ULK4: variants seen among roughly 807,000 people sequenced by gnomAD.
The protein encoded by ULK4 is unc-51 like kinase 4, also known as inactive serine/threonine-protein kinase ULK4.
A neutral mutation model predicts 160.6 loss-of-function variants in ULK4; 133 were observed. That is an observed-to-expected ratio of 0.83 (90% CI 0.72 to 0.96). The LOEUF is 0.96. Ranked by LOEUF, ULK4 falls within the 40% of genes least tolerant of loss-of-function variation. ULK4 has a pLI of 0.00. For synonymous variants in ULK4, 534 were observed against 539.8 expected, an observed-to-expected ratio of 0.99 and a Z score of 0.15; for missense variants, 1,580 against 1,499.5, an observed-to-expected ratio of 1.05 and a Z score of -0.89.
intron 34 of ULK4, among the ~76,000 whole-genome samples, chr3:41,398,980 ATATTAT>A (rs1343662149): frequency 1.3e-5 from 2 of 152,110 alleles, no homozygotes; most frequent in East Asian, 1.9e-4. Context: ...TTTGAAATAT[ATATTAT>A]TATTAACTAT....
At chr3:41,956,443 A>G (rs184682077) in intron 1 of ULK4, among the ~76,000 whole-genome samples, 15 of 152,212 alleles carry the variant, frequency 9.9e-5, no homozygotes, top group African/African-American at 2.9e-4. Context: ...TTGTTGCTTC[A>G]TTCTTTCCTT....
intron 22 of ULK4, among the ~76,000 whole-genome samples, chr3:41,720,961 G>A (rs1365934846): frequency 1.3e-5 from 2 of 152,110 alleles, no homozygotes; most frequent in Non-Finnish European, 2.9e-5. Flanking sequence ...GGGGTAGGAA[G>A]TATTTAGCAA....
intron 35 of ULK4, among the ~76,000 whole-genome samples, chr3:41,378,345 G>A (rs1171116554): frequency 7.9e-5 from 12 of 151,284 alleles, no homozygotes; most frequent in Non-Finnish European, 1.5e-4. Context: ...TGCACAATGT[G>A]CACATGTACC....
intron 32 of ULK4, among the ~76,000 whole-genome samples, chr3:41,508,037 G>C (rs1331004851): frequency 6.6e-6 from 1 of 152,210 alleles, no homozygotes; most frequent in Non-Finnish European, 1.5e-5. Context: ...GTGGTCCAGG[G>C]CAAGTTCTCA....
intron 31 of ULK4, among the ~76,000 whole-genome samples, chr3:41,593,736 A>G (rs1437985353): frequency 1.3e-5 from 2 of 152,216 alleles, no homozygotes; most frequent in Admixed American, 6.5e-5. Flanking sequence ...TCGTGTAAAA[A>G]GAAAAATAGC....
At chr3:41,883,768 CAGAGAAAAAACA>C in intron 17 of ULK4, 94 bp downstream of exon 17, 1 of 1,101,200 alleles carries the variant, frequency 9.1e-7, no homozygotes, top group Non-Finnish European at 1.4e-6. Context: ...CACAATCCCA[CAGAGAAAAAACA>C]AGTGAAGGTC....
At chr3:41,356,298 G>A (rs1004811909) in intron 35 of ULK4, among the ~76,000 whole-genome samples, 6 of 152,174 alleles carry the variant, frequency 3.9e-5, no homozygotes, top group African/African-American at 9.6e-5. Context: ...ACGCATAGAC[G>A]AGACCTGAAG....
At chr3:41,806,611 T>C (rs1487873503) in intron 19 of ULK4, among the ~76,000 whole-genome samples, 1 of 152,152 alleles carries the variant, frequency 6.6e-6, no homozygotes, top group Non-Finnish European at 1.5e-5. Context: ...TGCTTTCTCT[T>C]GTGGGCATTT....
chr3:41,601,806 C>A (rs1440348868), intron 31 of ULK4, among the ~76,000 whole-genome samples: 1 of 152,146 alleles, frequency 6.6e-6, no homozygotes. Flanking sequence ...GAGGAACTAC[C>A]ACATATCAGA....
intron 31 of ULK4, among the ~76,000 whole-genome samples, chr3:41,613,055 G>A (rs904995143): frequency 2.6e-5 from 4 of 152,156 alleles, no homozygotes; most frequent in Admixed American, 2.0e-4. Context: ...GGCATAAGTA[G>A]CAGCCGAGCA....
At chr3:41,418,920 T>A (rs949955203) in intron 34 of ULK4, among the ~76,000 whole-genome samples, 4 of 152,202 alleles carry the variant, frequency 2.6e-5, no homozygotes, top group African/African-American at 9.7e-5. Context: ...CACAGAGTTG[T>A]TAGAAAAGGG....
intron 17 of ULK4, among the ~76,000 whole-genome samples, chr3:41,882,757 T>A (rs1697570226): frequency 6.6e-6 from 1 of 152,214 alleles, no homozygotes. Context: ...GCACTTTGTC[T>A]TGGACTTTAA....
chr3:41,844,345 C>T (rs377362121), intron 17 of ULK4, among the ~76,000 whole-genome samples: 4 of 152,154 alleles, frequency 2.6e-5, no homozygotes, highest in Admixed American at 2.0e-4. Context: ...GGCGAGAAAT[C>T]GAGCGCAGCG....
At chr3:41,253,364 T>G (rs2078774482) in intron 35 of ULK4, among the ~76,000 whole-genome samples, 1 of 151,868 alleles carries the variant, frequency 6.6e-6, no homozygotes, top group African/African-American at 2.4e-5. Context: ...AGCTGGAACA[T>G]AATAAGATGG....
chr3:41,774,665 C>T (rs369305092), intron 21 of ULK4, among the ~76,000 whole-genome samples: 8 of 149,614 alleles, frequency 5.3e-5, no homozygotes, highest in Middle Eastern at 3.4e-3. Context: ...GTCAGTGTGG[C>T]GATTCCTCAG....
chr3:41,507,349 AT>A (rs1450978449), intron 32 of ULK4, among the ~76,000 whole-genome samples: 1 of 152,044 alleles, frequency 6.6e-6, no homozygotes, highest in Non-Finnish European at 1.5e-5. Flanking sequence ...TTTGCTTGAT[AT>A]TTTAGCAAGA....
At chr3:41,478,993 T>C (rs1164223558) in intron 32 of ULK4, among the ~76,000 whole-genome samples, 3 of 152,226 alleles carry the variant, frequency 2.0e-5, no homozygotes, top group African/African-American at 2.4e-5. Flanking sequence ...GGGAAGAGAA[T>C]AGAGTGGAGA....
intron 1 of ULK4, among the ~76,000 whole-genome samples, chr3:41,961,550 A>ACCCCCCCTCCCCC (rs1700669869): frequency 3.2e-5 from 4 of 124,688 alleles, no homozygotes; most frequent in Admixed American, 7.4e-5. Flanking sequence ...GTAGTCACTC[A>ACCCCCCCTCCCCC]CCCCCCCCCC....
At chr3:41,601,703 A>G (rs187482499) in intron 31 of ULK4, among the ~76,000 whole-genome samples, 6 of 152,314 alleles carry the variant, frequency 3.9e-5, no homozygotes, top group African/African-American at 1.2e-4. Flanking sequence ...TGACAAAAAA[A>G]TAATAAAAAA....
Sources: gnomAD v4.1 joint callset for allele counts (sites outside exome capture counted in the v4.1 genomes callset) on GRCh38, gnomAD v4.1.1 for gene constraint, MANE v1.5 for transcripts, NCBI Gene and HGNC (gene_info 2026-07-23, HGNC 2026-07-21) for gene names.